The following SYN3 variants were observed in gnomAD, a reference collection of about 807,000 sequenced individuals.
SYN3 encodes the protein synapsin-3.
SYN3 carries 35 observed loss-of-function variants against 65.8 expected under a neutral mutation model. The ratio of observed to expected loss-of-function variants is 0.53; its 90% CI spans 0.41 to 0.70. The LOEUF (loss-of-function observed/expected upper bound fraction) is 0.70, where lower values mean the gene tolerates loss of function less well. Among genes scored for constraint, SYN3 ranks in the 30% least tolerant of loss-of-function variants. The probability of loss-of-function intolerance (pLI) is 0.00; values close to 1 mark genes in which losing one functional copy is unlikely to be tolerated. For missense variants in SYN3, 680 were observed against 749.0 expected (o/e 0.91, Z 1.08); for synonymous variants, 270 against 292.9 (o/e 0.92, Z 0.80).
intron 3 of SYN3, among the ~76,000 whole-genome samples, chr22:32,961,117 T>G (rs1262506440): frequency 6.6e-6 from 1 of 152,138 alleles, no homozygotes; most frequent in Non-Finnish European, 1.5e-5. Flanking sequence ...GACTGTTTTG[T>G]GTATTGTAGG....
intron 6 of SYN3, among the ~76,000 whole-genome samples, chr22:32,656,370 T>G (rs1913736237): frequency 6.6e-6 from 1 of 152,222 alleles, no homozygotes; most frequent in African/African-American, 2.4e-5. Context: ...TTGAAAGGAT[T>G]AAGCGACATG....
intron 1 of SYN3, among the ~76,000 whole-genome samples, chr22:33,015,911 G>A (rs1341570648): frequency 6.8e-6 from 1 of 147,908 alleles, no homozygotes; most frequent in Non-Finnish European, 1.5e-5. Context: ...GCACCATCTC[G>A]GCTCACTGCA....
intron 6 of SYN3, among the ~76,000 whole-genome samples, chr22:32,720,386 G>A (rs144783772): frequency 6.6e-6 from 1 of 152,306 alleles, no homozygotes; most frequent in African/African-American, 2.4e-5. Context: ...CCATGAGGTT[G>A]ATGTTATTGG....
rs373072277 is a variant in SYN3, at chr22:32,960,773, G to A, written c.369+19872C>T. The stretch of plus-strand genomic sequence containing the variant: ...ATGTCACAAACAGTGCTGAGCGTGG[G>A]GTCAGACGGACCTGGGTTTCAATTG... On this transcript the variant is annotated intron_variant, in intron 3 of 13. Coordinates refer to ENST00000358763, the MANE Select transcript of SYN3 (RefSeq NM_003490.4). 7.8e-4 allele frequency among the ~76,000 whole-genome samples: 119 copies of A among 152,204 alleles called. 6 individuals are homozygous for A. The South Asian group carries it at 0.024, about 31-fold the overall frequency.
At chr22:32,602,649 A>C in intron 6 of SYN3, among the ~76,000 whole-genome samples, 1 of 152,008 alleles carries the variant, frequency 6.6e-6, no homozygotes, top group East Asian at 1.9e-4. Flanking sequence ...TTTAGTAGAG[A>C]CGGGGTTTCA....
At chr22:32,577,408 T>A (rs1272312634) in intron 7 of SYN3, among the ~76,000 whole-genome samples, 1 of 152,226 alleles carries the variant, frequency 6.6e-6, no homozygotes, top group East Asian at 1.9e-4. Context: ...TTTGCTTGCA[T>A]GGCTAGATTC....
chr22:32,733,878 C>T (rs575124943), intron 6 of SYN3, among the ~76,000 whole-genome samples: 12 of 152,260 alleles, frequency 7.9e-5, no homozygotes, highest in African/African-American at 2.6e-4. Flanking sequence ...ATTATAGGAT[C>T]ACAGCGCCAC....
At chr22:32,937,914 T>C (rs964587926) in intron 3 of SYN3, among the ~76,000 whole-genome samples, 3 of 151,978 alleles carry the variant, frequency 2.0e-5, no homozygotes, top group Non-Finnish European at 4.4e-5. Context: ...GTCTAATATA[T>C]GAGTAATTAA....
chr22:32,659,577 C>T (rs2060189031), intron 6 of SYN3, among the ~76,000 whole-genome samples: 2 of 152,164 alleles, frequency 1.3e-5, no homozygotes, highest in African/African-American at 2.4e-5. Flanking sequence ...CATTCTTTAC[C>T]TCTTTATTTA....
chr22:32,572,906 T>A (rs79963792), intron 7 of SYN3, among the ~76,000 whole-genome samples: 1,980 of 152,302 alleles, frequency 0.013, 44 homozygotes, highest in African/African-American at 0.045. Flanking sequence ...TGTTTTCAGA[T>A]GATAGCATTC....
chr22:32,560,125 A>C (rs2058566364), intron 7 of SYN3, among the ~76,000 whole-genome samples: 1 of 152,214 alleles, frequency 6.6e-6, no homozygotes, highest in South Asian at 2.1e-4. Context: ...GAATCAGGGG[A>C]GAAGGAATGC....
chr22:32,859,827 A>G (rs2048485539), intron 6 of SYN3: 1 of 195,868 alleles, frequency 5.1e-6, no homozygotes, highest in Non-Finnish European at 1.1e-5. Context: ...GAACTTGCTG[A>G]AAGGCCAACC....
At chr22:32,759,656 C>A (rs2045398108) in intron 6 of SYN3, among the ~76,000 whole-genome samples, 5 of 117,546 alleles carry the variant, frequency 4.3e-5, no homozygotes, top group East Asian at 3.7e-4. Context: ...CTCACCCACC[C>A]CCAGCCAGCA....
At chr22:32,562,437 A>G (rs2058599922) in intron 7 of SYN3, among the ~76,000 whole-genome samples, 1 of 152,204 alleles carries the variant, frequency 6.6e-6, no homozygotes, top group African/African-American at 2.4e-5. Flanking sequence ...TAGTCAAGGA[A>G]CCATCTGGGT....
At chr22:32,539,417 A>G (rs5749457) in intron 8 of SYN3, among the ~76,000 whole-genome samples, 112,836 of 152,076 alleles carry the variant, frequency 0.74, 42,093 homozygotes, top group East Asian at 0.91. Flanking sequence ...AAGTGGTACC[A>G]GATGAAAGTC....
At chr22:32,782,928 C>T (rs1195320033) in intron 6 of SYN3, among the ~76,000 whole-genome samples, 2 of 152,206 alleles carry the variant, frequency 1.3e-5, no homozygotes, top group Non-Finnish European at 2.9e-5. Context: ...GAGCAATTCT[C>T]TATTGAGAAG....
chr22:33,016,360 C>T (rs1397404278), intron 1 of SYN3, among the ~76,000 whole-genome samples: 2 of 152,208 alleles, frequency 1.3e-5, no homozygotes, highest in Non-Finnish European at 2.9e-5. Flanking sequence ...GCATTACATA[C>T]ATAACTATTC....
chr22:32,995,882 C>T (rs993165391), intron 2 of SYN3, among the ~76,000 whole-genome samples: 12 of 152,048 alleles, frequency 7.9e-5, no homozygotes, highest in Non-Finnish European at 7.4e-5. Flanking sequence ...AGGATGGTCT[C>T]GATCTCCTGA....
chr22:32,969,810 A>G (rs567282792), intron 3 of SYN3, among the ~76,000 whole-genome samples: 4 of 152,294 alleles, frequency 2.6e-5, no homozygotes, highest in South Asian at 4.1e-4. Flanking sequence ...CATTCATTGC[A>G]TTTTTTCTTC....
Sources: gnomAD v4.1 joint callset for allele counts (sites outside exome capture counted in the v4.1 genomes callset) on GRCh38, gnomAD v4.1.1 for gene constraint, MANE v1.5 for transcripts, NCBI Gene and HGNC (gene_info 2026-07-23, HGNC 2026-07-21) for gene names.